The following DSE variants were observed in gnomAD, a reference collection of about 807,000 sequenced individuals.
DSE encodes dermatan sulfate epimerase.
DSE carries 36 observed loss-of-function variants against 84.4 expected under a neutral mutation model. The observed-to-expected ratio is 0.43, with a 90% CI of 0.33 to 0.56. DSE has a LOEUF of 0.56. Among genes scored for constraint, DSE ranks in the 20% least tolerant of loss-of-function variants. DSE has a pLI of 0.06. For missense variants in DSE, 862 were observed against 1,169.6 expected, an observed-to-expected ratio of 0.74 and a Z score of 3.84; for synonymous variants, 410 against 430.1, an observed-to-expected ratio of 0.95 and a Z score of 0.58.
upstream of DSE, among the ~76,000 whole-genome samples, chr6:116,369,278 T>C (rs2114906458): frequency 6.6e-6 from 1 of 152,346 alleles, no homozygotes; most frequent in Admixed American, 6.5e-5. Flanking sequence ...AGAGGTTACG[T>C]AAATTAAACC....
intron 2 of DSE, among the ~76,000 whole-genome samples, chr6:116,410,419 A>C (rs1279276313): frequency 6.6e-6 from 1 of 152,080 alleles, no homozygotes; most frequent in Non-Finnish European, 1.5e-5. Flanking sequence ...CTCATTTTTT[A>C]AATGTCTTTT....
intron 2 of DSE, among the ~76,000 whole-genome samples, chr6:116,289,917 C>T (rs1774174942): frequency 2.6e-5 from 4 of 152,002 alleles, no homozygotes; most frequent in Admixed American, 2.6e-4. Flanking sequence ...TTGAAAAATA[C>T]CATATTTCAT....
At chr6:116,353,756 A>G in intron 2 of DSE, among the ~76,000 whole-genome samples, 1 of 152,190 alleles carries the variant, frequency 6.6e-6, no homozygotes, top group East Asian at 1.9e-4. Flanking sequence ...ACATAAGGGG[A>G]TTCAGACAGA....
At chr6:116,395,472 C>T (rs559566480) in intron 1 of DSE, among the ~76,000 whole-genome samples, 2 of 152,300 alleles carry the variant, frequency 1.3e-5, no homozygotes, top group African/African-American at 4.8e-5. Flanking sequence ...CCCATAAACT[C>T]ATTAGCTTTT....
Position 116,433,486 on chromosome 6 carries a change from G to A in DSE, c.1054G>A (p.Val352Met). 6.4e-7 allele frequency: 1 copy of A among 1,562,830 alleles called. No homozygotes were observed. Among genetic ancestry groups the A allele is most frequent in the Non-Finnish European group, 8.7e-7 (1 of 1,152,250 alleles). ...TGACCAAATCAGAAGGAACCGTGTGGTGGAAGGTCCAGGAACACCATCCAA... is the reference window on the plus strand; with the variant it reads ...TGACCAAATCAGAAGGAACCGTGTGATGGAAGGTCCAGGAACACCATCCAA... ...LADQIRRNRV[V>M]EGPGTPSKGQ... Residue 352 changes from valine to methionine, a missense_variant, in exon 5 of 6, where the codon GTG becomes ATG. Physicochemically the swap from Val to Met is conservative, Grantham distance 21. Transcript: ENST00000644252.
intron 2 of DSE, among the ~76,000 whole-genome samples, chr6:116,291,438 A>G (rs1283269973): frequency 6.6e-6 from 1 of 152,004 alleles, no homozygotes; most frequent in Non-Finnish European, 1.5e-5. Context: ...ACCCTGAACA[A>G]AGACTCAAAT....
intron 2 of DSE, among the ~76,000 whole-genome samples, chr6:116,274,477 C>T (rs9488883): frequency 0.031 from 4,754 of 151,902 alleles, 175 homozygotes; most frequent in African/African-American, 0.085. Flanking sequence ...GCAGGAGAAT[C>T]GCTTGAACCC....
At chr6:116,335,138 T>C (rs760969470) in intron 2 of DSE, among the ~76,000 whole-genome samples, 2 of 152,132 alleles carry the variant, frequency 1.3e-5, no homozygotes, top group Non-Finnish European at 2.9e-5. Context: ...TGCCCATCAG[T>C]GATAGATTTG....
At chr6:116,362,066 G>A (rs1051426022) in intron 2 of DSE, among the ~76,000 whole-genome samples, 1 of 152,196 alleles carries the variant, frequency 6.6e-6, no homozygotes, top group Non-Finnish European at 1.5e-5. Context: ...GTTCTCAGAT[G>A]GGATTCACTT....
chr6:116,362,266 G>GT (rs1649398125), intron 2 of DSE, among the ~76,000 whole-genome samples: 1 of 152,206 alleles, frequency 6.6e-6, no homozygotes, highest in Non-Finnish European at 1.5e-5. Context: ...CACCTGCAGA[G>GT]TTTTTTAAAA....
intron 3 of DSE, among the ~76,000 whole-genome samples, chr6:116,430,693 C>T (rs549756475): frequency 6.6e-6 from 1 of 152,192 alleles, no homozygotes; most frequent in African/African-American, 2.4e-5. Flanking sequence ...AGGCATCTGC[C>T]ACCACACCCG....
chr6:116,390,901 A>T (rs192397958), intron 1 of DSE, among the ~76,000 whole-genome samples: 1 of 152,266 alleles, frequency 6.6e-6, no homozygotes, highest in Admixed American at 6.5e-5. Context: ...ATGATAACCA[A>T]TCTCTGAAAA....
At chr6:116,351,117 G>T (rs1239325616) in intron 2 of DSE, among the ~76,000 whole-genome samples, 1 of 152,152 alleles carries the variant, frequency 6.6e-6, no homozygotes, top group Non-Finnish European at 1.5e-5. Context: ...AAGCAAGATT[G>T]CTTCTTTGTC....
chr6:116,427,398 T>C (rs1395964655), intron 3 of DSE, among the ~76,000 whole-genome samples: 3 of 152,216 alleles, frequency 2.0e-5, no homozygotes, highest in Admixed American at 1.3e-4. Flanking sequence ...TCTGTAGAAA[T>C]CTATAAATGA....
chr6:116,426,326 A>T (rs1783451299), intron 2 of DSE, among the ~76,000 whole-genome samples: 1 of 152,228 alleles, frequency 6.6e-6, no homozygotes. Context: ...TGAGTAAAAA[A>T]AGTAAAAATT....
At chr6:116,293,402 A>G (rs1774425927) in intron 2 of DSE, among the ~76,000 whole-genome samples, 3 of 151,748 alleles carry the variant, frequency 2.0e-5, no homozygotes, top group Admixed American at 6.6e-5. Flanking sequence ...CTCCCAAGTA[A>G]TTGGGACTAC....
At chr6:116,370,018 T>C, upstream of DSE, 1 of 1,177,918 alleles carries the variant, frequency 8.5e-7, no homozygotes, top group Non-Finnish European at 1.1e-6. Flanking sequence ...GGCAAAGTAT[T>C]CCTGAGGTGA....
intron 2 of DSE, among the ~76,000 whole-genome samples, chr6:116,303,274 G>T (rs971845786): frequency 6.6e-6 from 1 of 151,896 alleles, no homozygotes; most frequent in African/African-American, 2.4e-5. Context: ...CTTCCTTCAG[G>T]AAGACTTCTT....
intron 1 of DSE, chr6:116,254,326 C>T (rs1327829389): frequency 1.7e-6 from 1 of 584,320 alleles, no homozygotes; most frequent in Non-Finnish European, 3.2e-6. Flanking sequence ...GATTTCTAAG[C>T]CTCTGAATGA....
Sources: allele counts gnomAD v4.1 joint callset (sites outside exome capture counted in the v4.1 genomes callset), GRCh38; gene constraint gnomAD v4.1.1; transcripts MANE v1.5; gene names NCBI Gene and HGNC (gene_info 2026-07-23, HGNC 2026-07-21).